ABCC5: variants seen among roughly 807,000 people sequenced by gnomAD.
The protein encoded by ABCC5 is ATP binding cassette subfamily C member 5.
Under a neutral mutation model 160.9 loss-of-function variants are expected in ABCC5, and 61 were observed. That is an observed-to-expected ratio of 0.38 (90% confidence interval 0.31 to 0.47). The LOEUF is 0.47. ABCC5 is among the 20% of genes least tolerant of loss of function. ABCC5 has a pLI of 0.99. For synonymous variants in ABCC5, 666 were observed against 700.6 expected, an observed-to-expected ratio of 0.95 and a Z score of 0.78; for missense variants, 1,308 against 1,813.3, an observed-to-expected ratio of 0.72 and a Z score of 5.06.
rs368338861 is a variant in ABCC5, at chr3:183,953,113, C to T, written c.2640G>A (p.Leu880=). 46 of 1,613,866 alleles carry T rather than the reference C, an allele frequency of 2.9e-5. No individual in the cohort carries two copies. The highest frequency in any genetic ancestry group is 5.0e-5 in the Admixed American group (3 of 59,964). ...CGCTTCCTTGCTTGATCCAGTAACTCAACCACCAGGTGCTGAAGGCGGTGC... is the reference window on the plus strand; with the variant it reads ...CGCTTCCTTGCTTGATCCAGTAACTTAACCACCAGGTGCTGAAGGCGGTGC... ...VGSTAFSTWW[L]SYWIKQGSGN... The change falls in exon 18 of 30, where the codon TTG becomes TTA. Residue 880 remains leucine, a synonymous_variant. Transcript: ENST00000334444.
In ABCC5 at chr3:183,988,456, C is replaced by T; in HGVS notation, c.443+116G>A. On this transcript the variant is annotated intron_variant, in intron 4 of 29. Transcript: ENST00000334444. This position sits in a 1 kb window ranked among gnomAD's most constrained non-coding sequence, Gnocchi z 4.4. The stretch of plus-strand genomic sequence containing the variant: ...AAGAGAAAGTCATCCCCAGGCCGCC[C>T]GCCCTCCACTGGACAGCTCGGCTCT... 6.1e-6 allele frequency: 8 copies of T among 1,317,882 alleles called. No individual in the cohort carries two copies. The highest frequency in any genetic ancestry group is 2.5e-5 in the Admixed American group (1 of 39,456). 81.6% of individuals were successfully genotyped at this position (1,317,882 alleles called of 1,614,324 possible).
At chr3:183,989,592 CTTTTTTT>C (rs10670556) in intron 2 of ABCC5, among the ~76,000 whole-genome samples, 1 of 145,494 alleles carries the variant, frequency 6.9e-6, no homozygotes, top group Non-Finnish European at 1.5e-5. Flanking sequence ...AAACAGTTTT[CTTTTTTT>C]TTTTTTTAGC....
intron 2 of ABCC5, among the ~76,000 whole-genome samples, chr3:183,998,359 T>C (rs1468383063): frequency 6.6e-6 from 1 of 152,172 alleles, no homozygotes; most frequent in Non-Finnish European, 1.5e-5. Context: ...AAGGAAGCTA[T>C]AGCAATCTTC....
Position 183,951,697 on chromosome 3 carries a change from C to A in ABCC5, c.2815-127G>T. 1 of 1,478,454 alleles carries A rather than the reference C, an allele frequency of 6.8e-7. No homozygotes were observed. Among genetic ancestry groups the A allele is most frequent in the Non-Finnish European group, 9.1e-7 (1 of 1,093,834 alleles). 91.6% of individuals were successfully genotyped at this position (1,478,454 alleles called of 1,614,324 possible). A position where few individuals can be genotyped will look rare whatever the true frequency, so the allele number is the denominator to read the frequency against. On this transcript the variant is annotated intron_variant, in intron 19 of 29. Transcript: ENST00000334444. The surrounding 1 kb of genome is among the most constrained non-coding windows in gnomAD (Gnocchi z 4.7). ...GTGAGGGGTCAGGAGGGACAGGTGG[C>A]AAGTGAGAAAAGGTGGAGGCTAACG...
chr3:183,976,586 C>T (rs1718237752), intron 10 of ABCC5, among the ~76,000 whole-genome samples: 1 of 152,270 alleles, frequency 6.6e-6, no homozygotes, highest in East Asian at 1.9e-4. Context: ...ATAAAAGTCA[C>T]CCGGTCAACT....
chr3:183,987,770 T>A lies in ABCC5; in HGVS notation c.591A>T (p.Pro197=), dbSNP rs1168889580. ...GTCGGAAAGGATGGTTAGAACTTAC[T>A]GGTCCACTGAAGCCAGCCAGCTGCG... The part of the protein sequence containing the change: ...MITQLAGFSG[P]AFMVKHLLEY... The change falls in exon 5 of 30, where the codon CCA becomes CCT. Residue 197 remains proline (P), a splice_region_variant and synonymous_variant. Transcript: ENST00000334444. The surrounding 1 kb of genome is among the most constrained non-coding windows in gnomAD (Gnocchi z 4.2). The A allele has an allele frequency of 1.2e-6, 2 of 1,614,196 alleles. No homozygotes were observed. Among genetic ancestry groups the A allele is most frequent in the East Asian group, 4.5e-5 (2 of 44,886 alleles).
At chr3:183,976,740 A>C (rs1560024828) in intron 10 of ABCC5, among the ~76,000 whole-genome samples, 1 of 152,110 alleles carries the variant, frequency 6.6e-6, no homozygotes, top group African/African-American at 2.4e-5. Context: ...ACATCACCAA[A>C]ATTGCTTTCT....
chr3:184,017,807 G>A lies in ABCC5; in HGVS notation c.-56+23C>T, dbSNP rs939010901. On this transcript the variant is annotated intron_variant, in intron 1 of 29. Transcript: ENST00000334444. This position sits in a 1 kb window ranked among gnomAD's most constrained non-coding sequence, Gnocchi z 4.5. ...GTGACAACCGAGCTGGAGGGCAGGG[G>A]TGCGGCAGCAGCCATCACCTACCTG... The A allele has an allele frequency of 6.6e-6, 1 of 152,488 alleles. No homozygotes were observed. Among genetic ancestry groups the A allele is most frequent in the East Asian group, 1.9e-4 (1 of 5,196 alleles). The allele number at this position is 152,488 out of a possible 1,614,324, so 9.4% of individuals were successfully genotyped here. A position where few individuals can be genotyped will look rare whatever the true frequency, so the allele number is the denominator to read the frequency against.
chr3:183,966,138 T>C (rs377068947), intron 12 of ABCC5, among the ~76,000 whole-genome samples: 1 of 152,202 alleles, frequency 6.6e-6, no homozygotes, highest in Non-Finnish European at 1.5e-5. Context: ...TTGGGACTGA[T>C]AGTAGACATT....
intron 27 of ABCC5, among the ~76,000 whole-genome samples, chr3:183,928,080 T>G (rs969473245): frequency 6.6e-6 from 1 of 151,928 alleles, no homozygotes; most frequent in African/African-American, 2.4e-5. Context: ...ATGCACACTG[T>G]GTGCTTTCTG....
At chr3:183,939,102 A>T (rs144373894) in intron 25 of ABCC5, among the ~76,000 whole-genome samples, 1 of 152,242 alleles carries the variant, frequency 6.6e-6, no homozygotes, top group Non-Finnish European at 1.5e-5. Context: ...AGTTGAGATC[A>T]TATCAGAAAT....
intron 26 of ABCC5, among the ~76,000 whole-genome samples, chr3:183,935,639 G>A (rs937952341): frequency 6.6e-6 from 1 of 151,952 alleles, no homozygotes; most frequent in Non-Finnish European, 1.5e-5. Flanking sequence ...GAGCTCTGGA[G>A]TAGCTGGGAC....
intron 8 of ABCC5, 30 bp from the exon 9 acceptor site, chr3:183,978,681 G>A: frequency 6.2e-7 from 1 of 1,607,750 alleles, no homozygotes; most frequent in Non-Finnish European, 8.5e-7. Context: ...CAATTTCAAA[G>A]CAAGTTAAAA....
At chr3:183,950,884 T>G (rs1270830493) in intron 20 of ABCC5, among the ~76,000 whole-genome samples, 1 of 152,228 alleles carries the variant, frequency 6.6e-6, no homozygotes, top group African/African-American at 2.4e-5. Context: ...CTGGGTTCAA[T>G]TTGCAGCTTT....
chr3:184,001,328 T>C (rs996554885), intron 2 of ABCC5: 16 of 440,098 alleles, frequency 3.6e-5, no homozygotes, highest in Non-Finnish European at 1.2e-5. Flanking sequence ...TTATCTTTTT[T>C]AACATATAAT....
chr3:183,982,162 C>T lies in ABCC5; in HGVS notation c.1000-288G>A, dbSNP rs1034442352. Reference sequence around the variant, plus strand: ...AAGGGGAGGCAGGAGGGCCCTATCACTTAGCACCAACTCCAACGCAGTGAC... The same window carrying T: ...AAGGGGAGGCAGGAGGGCCCTATCATTTAGCACCAACTCCAACGCAGTGAC... On this transcript the variant is annotated intron_variant, in intron 7 of 29. Coordinates refer to ENST00000334444, the MANE Select transcript of ABCC5 (RefSeq NM_005688.4). The surrounding 1 kb of genome is among the most constrained non-coding windows in gnomAD (Gnocchi z 5.2). 6.6e-6 allele frequency among the ~76,000 whole-genome samples: 1 copy of T among 152,004 alleles called. No individual in the cohort carries two copies. The highest frequency in any genetic ancestry group is 1.5e-5 in the Non-Finnish European group (1 of 68,014).
chr3:183,948,496 C>T (rs1345407595), intron 22 of ABCC5, among the ~76,000 whole-genome samples: 1 of 150,514 alleles, frequency 6.6e-6, no homozygotes, highest in Non-Finnish European at 1.5e-5. Context: ...TTTTTCTAAA[C>T]TTTCTATTCT....
chr3:183,990,420 G>A (rs755144383), intron 2 of ABCC5, among the ~76,000 whole-genome samples: 3 of 152,126 alleles, frequency 2.0e-5, no homozygotes, highest in Non-Finnish European at 2.9e-5. Flanking sequence ...ACCACTCTTT[G>A]TGTTCTATGT....
rs1252730945 is a variant in ABCC5 at position 183,981,193 on chromosome 3, AATTT to A, written c.1147+530_1147+533del. Among the ~76,000 whole-genome samples, 5 of 152,244 alleles carry A rather than the reference AATTT, an allele frequency of 3.3e-5. No individual in the cohort carries two copies. In the East Asian group the frequency reaches 9.6e-4, roughly 29 times the overall value. ...CACCTGTTTCAAGGCACACTGGTTC[AATTT>A]GTGTTGAGATCTTTCTGAATGCCCC... On this transcript the variant is annotated intron_variant, in intron 8 of 29. Transcript: ENST00000334444.
Sources: gnomAD v4.1 joint callset for allele counts (sites outside exome capture counted in the v4.1 genomes callset) on GRCh38, gnomAD v4.1.1 for gene constraint, Gnocchi (gnomAD v3.1) non-coding constraint, MANE v1.5 for transcripts, NCBI Gene and HGNC (gene_info 2026-07-23, HGNC 2026-07-21) for gene names.